Variants in C1orf185 observed in about 807,000 individuals in gnomAD.
The protein encoded by C1orf185 is uncharacterized protein C1orf185.
A neutral mutation model predicts 16.1 loss-of-function variants in C1orf185; 13 were observed. The observed-to-expected ratio is 0.81, with a 90% CI of 0.53 to 1.28. The LOEUF (loss-of-function observed/expected upper bound fraction) is 1.28, where lower values mean the gene tolerates loss of function less well. Ranked by LOEUF, C1orf185 falls within the 50% of genes most tolerant of loss-of-function variation. The pLI, the probability that C1orf185 is intolerant of heterozygous loss-of-function variation, is 0.00. For missense variants in C1orf185, 220 were observed against 225.2 expected, an observed-to-expected ratio of 0.98 and a Z score of 0.15; for synonymous variants, 80 against 76.9, an observed-to-expected ratio of 1.04 and a Z score of -0.21.
At chr1:51,130,601 A>G (rs558091244) in intron 3 of C1orf185, among the ~76,000 whole-genome samples, 1 of 152,242 alleles carries the variant, frequency 6.6e-6, no homozygotes, top group Non-Finnish European at 1.5e-5. Flanking sequence ...ATTCACATGC[A>G]ATGGATATCT....
intron 1 of C1orf185, among the ~76,000 whole-genome samples, chr1:51,106,965 G>A (rs1174157106): frequency 2.0e-5 from 3 of 152,062 alleles, no homozygotes; most frequent in African/African-American, 7.2e-5. Context: ...TACCGTGTTG[G>A]CCAGGATGGT....
In C1orf185 at chr1:51,118,080, A is replaced by AT. The variant is rs201004118; in HGVS notation, c.123-579dup. Among the ~76,000 whole-genome samples, 1,025 of 152,018 alleles carry AT rather than the reference A, an allele frequency of 6.7e-3. 9 individuals carry two copies. Among genetic ancestry groups the AT allele is most frequent in the Non-Finnish European group, 0.011 (752 of 67,966 alleles). On this transcript the variant is annotated intron_variant, in intron 2 of 4. Transcript: ENST00000371759. ...AGGCATGTGCTACCATGCCCAGCTA[A>AT]TTTTTTTGTATGTGTTTTTAGTAGA...
chr1:51,103,903 T>C (rs1434367349), intron 1 of C1orf185, among the ~76,000 whole-genome samples: 1 of 152,194 alleles, frequency 6.6e-6, no homozygotes. Flanking sequence ...GATAGTATGA[T>C]TCTCATTTTT....
chr1:51,140,845 ATTTGT>A, intron 3 of C1orf185, among the ~76,000 whole-genome samples: 1 of 152,228 alleles, frequency 6.6e-6, no homozygotes, highest in East Asian at 1.9e-4. Context: ...TCTGATATTT[ATTTGT>A]TTTCTCTTCC....
intron 3 of C1orf185, among the ~76,000 whole-genome samples, chr1:51,127,524 G>A (rs374975819): frequency 5.9e-5 from 9 of 152,186 alleles, no homozygotes; most frequent in Non-Finnish European, 1.3e-4. Flanking sequence ...GACCTCAGGT[G>A]ATCCACCTGC....
At chr1:51,104,421 G>A (rs1646054744) in intron 1 of C1orf185, among the ~76,000 whole-genome samples, 2 of 152,164 alleles carry the variant, frequency 1.3e-5, no homozygotes, top group Admixed American at 1.3e-4. Context: ...ATATAAATAT[G>A]TGAATATAGA....
At position 51,147,479 on chromosome 1, in the gene C1orf185, A is replaced by T; in HGVS notation, c.308A>T (p.His103Leu). The T allele has an allele frequency of 6.6e-7, 1 of 1,526,164 alleles. No individual in the cohort carries two copies. The highest frequency in any genetic ancestry group is 8.8e-7 in the Non-Finnish European group (1 of 1,137,296). The allele number at this position is 1,526,164 out of a possible 1,614,324, so 94.5% of individuals were successfully genotyped here. ...TCTGTTTTTACAGCAATTAAAGATC[A>T]TTCTAAAGATGAACCCCAACTTGCA... is the stretch of plus-strand genomic sequence containing the variant. The part of the protein sequence containing the change: ...EAAHIKAIKD[H>L]SKDEPQLATK... Residue 103 changes from histidine to leucine, a missense_variant, in exon 5 of 5, where the codon CAT (histidine) becomes CTT (leucine). His to Leu is a moderately conservative substitution (Grantham distance 99, BLOSUM62 -3). Coordinates refer to ENST00000371759, the MANE Select transcript of C1orf185 (RefSeq NM_001136508.2).
In C1orf185 at chr1:51,147,849, A is replaced by G; in HGVS notation, c.*78A>G. ...GTTGAAATATAAAACCTTCAACATA[A>G]TACTGAATGACTTTTTTCTTTTGAA... On this transcript the variant is annotated 3_prime_UTR_variant, in exon 5 of 5. Coordinates refer to ENST00000371759, the MANE Select transcript of C1orf185 (RefSeq NM_001136508.2). 7.9e-7 allele frequency: 1 copy of G among 1,265,562 alleles called. No homozygotes were observed. Among genetic ancestry groups the G allele is most frequent in the South Asian group, 1.7e-5 (1 of 60,018 alleles). 78.4% of individuals were successfully genotyped at this position (1,265,562 alleles called of 1,614,324 possible). A position where few individuals can be genotyped will look rare whatever the true frequency, so the allele number is the denominator to read the frequency against.
At chr1:51,137,585 A>G (rs960805098) in intron 3 of C1orf185, among the ~76,000 whole-genome samples, 7 of 152,050 alleles carry the variant, frequency 4.6e-5, no homozygotes, top group African/African-American at 1.7e-4. Context: ...AGAAAAAGGA[A>G]CTCTTACACA....
chr1:51,132,873 C>A (rs1024858490), intron 3 of C1orf185, among the ~76,000 whole-genome samples: 1 of 152,146 alleles, frequency 6.6e-6, no homozygotes. Flanking sequence ...TCAAAAGAAA[C>A]CCTACAAGCC....
intron 1 of C1orf185, among the ~76,000 whole-genome samples, chr1:51,111,823 G>T (rs1378380518): frequency 1.3e-5 from 2 of 151,960 alleles, no homozygotes; most frequent in African/African-American, 4.8e-5. Flanking sequence ...CCCTGCCCCT[G>T]GTTAATTGTT....
rs35232347 is a variant in C1orf185 at position 51,111,370 on chromosome 1, C to CTTTTTTTTTTTTTT, written c.17-1091_17-1090insTTTTTTTTTTTTTT. Among the ~76,000 whole-genome samples, 61 of 114,398 alleles carry CTTTTTTTTTTTTTT rather than the reference C, an allele frequency of 5.3e-4. 4 individuals are homozygous for CTTTTTTTTTTTTTT. Among genetic ancestry groups the CTTTTTTTTTTTTTT allele is most frequent in the African/African-American group, 1.4e-3 (39 of 27,334 alleles). 75.0% of individuals were successfully genotyped at this position (114,398 alleles called of 152,430 possible). ...ATATTGCTTTCATTTAGCTTTCTTT[C>CTTTTTTTTTTTTTT]TTTCTTTTTTTTTTTTTTTGAGAGA... On this transcript the variant is annotated intron_variant, in intron 1 of 4. Transcript: ENST00000371759.
At chr1:51,103,805 G>A (rs936142613) in intron 1 of C1orf185, among the ~76,000 whole-genome samples, 2 of 151,914 alleles carry the variant, frequency 1.3e-5, no homozygotes, top group Non-Finnish European at 2.9e-5. Flanking sequence ...AAACTGCTGG[G>A]ATTACAGGCA....
At chr1:51,130,003 T>C (rs72692279) in intron 3 of C1orf185, among the ~76,000 whole-genome samples, 1 of 152,214 alleles carries the variant, frequency 6.6e-6, no homozygotes, top group Admixed American at 6.5e-5. Context: ...ATCAATAGTT[T>C]GTTCTTTTTC....
chr1:51,143,893 G>C (rs1264740073), intron 3 of C1orf185, among the ~76,000 whole-genome samples: 5 of 152,178 alleles, frequency 3.3e-5, no homozygotes, highest in African/African-American at 1.2e-4. Flanking sequence ...TAACTCCTGG[G>C]CGTGAGCCAC....
At chr1:51,139,740 A>G (rs1225224194) in intron 3 of C1orf185, among the ~76,000 whole-genome samples, 1 of 152,180 alleles carries the variant, frequency 6.6e-6, no homozygotes, top group Non-Finnish European at 1.5e-5. Context: ...ACGAACCATT[A>G]TCATCGTTTT....
chr1:51,132,098 A>G (rs1242502413), intron 3 of C1orf185, among the ~76,000 whole-genome samples: 1 of 152,210 alleles, frequency 6.6e-6, no homozygotes, highest in Non-Finnish European at 1.5e-5. Flanking sequence ...AAAAGGAAAA[A>G]GAAAACATCC....
chr1:51,144,283 T>A (rs1646385287), intron 3 of C1orf185, among the ~76,000 whole-genome samples: 1 of 152,120 alleles, frequency 6.6e-6, no homozygotes, highest in Non-Finnish European at 1.5e-5. Flanking sequence ...TGTCAGCACA[T>A]CAAAGTCTGA....
At chr1:51,123,865 TGA>T (rs1261264939) in intron 3 of C1orf185, among the ~76,000 whole-genome samples, 2 of 152,052 alleles carry the variant, frequency 1.3e-5, no homozygotes, top group African/African-American at 4.8e-5. Flanking sequence ...TTCTTATTGC[TGA>T]GTTTTAAAGA....
Sources: gnomAD v4.1 joint callset for allele counts (sites outside exome capture counted in the v4.1 genomes callset) on GRCh38, gnomAD v4.1.1 for gene constraint, MANE v1.5 for transcripts, NCBI Gene and HGNC (gene_info 2026-07-23, HGNC 2026-07-21) for gene names.